PFDN2: variants seen among roughly 807,000 people sequenced by gnomAD.
The protein encoded by PFDN2 is prefoldin 2.
In PFDN2, 7 loss-of-function variants were observed where a neutral mutation model predicts 18.3. That is an observed-to-expected ratio of 0.38 (90% CI 0.22 to 0.72). The LOEUF (loss-of-function observed/expected upper bound fraction) is 0.72. Ranked by LOEUF, PFDN2 falls within the 30% of genes least tolerant of loss-of-function variation. The probability of loss-of-function intolerance (pLI) is 0.47; values close to 1 mark genes in which losing one functional copy is unlikely to be tolerated. For synonymous variants in PFDN2, 76 were observed against 75.0 expected (o/e 1.01, Z -0.07); for missense variants, 181 against 199.1 (o/e 0.91, Z 0.55).
intron 1 of PFDN2, among the ~76,000 whole-genome samples, chr1:161,108,942 C>T (rs1434007553): frequency 6.6e-6 from 1 of 152,134 alleles, no homozygotes; most frequent in Non-Finnish European, 1.5e-5. Context: ...GATTTCTATA[C>T]TGCCTCCTGA....
chr1:161,105,375 C>T (rs953683275), intron 1 of PFDN2, among the ~76,000 whole-genome samples: 1 of 152,210 alleles, frequency 6.6e-6, no homozygotes, highest in Non-Finnish European at 1.5e-5. Context: ...CCTGGCCTCC[C>T]AAAGAGCTGG....
chr1:161,102,256 C>G (rs1557961903), intron 2 of PFDN2, 31 bp downstream of exon 2: 2 of 1,611,188 alleles, frequency 1.2e-6, no homozygotes, highest in South Asian at 2.2e-5. Flanking sequence ...ACACAACTGT[C>G]CTACTGTTTG....
chr1:161,117,928 T>A, intron 1 of PFDN2, 24 bp downstream of exon 1: 1 of 1,594,250 alleles, frequency 6.3e-7, no homozygotes, highest in Non-Finnish European at 8.6e-7. Context: ...GTGGGTACCC[T>A]GCTTCGCGTT....
intron 1 of PFDN2, among the ~76,000 whole-genome samples, chr1:161,102,786 T>A (rs1654593978): frequency 1.3e-5 from 2 of 151,982 alleles, no homozygotes; most frequent in South Asian, 4.2e-4. Context: ...GGTGAAACTC[T>A]GTCGCTACTA....
chr1:161,111,141 G>A (rs544840814), intron 1 of PFDN2, among the ~76,000 whole-genome samples: 55 of 151,898 alleles, frequency 3.6e-4, no homozygotes, highest in East Asian at 1.4e-3. Context: ...CGCCCAGCCC[G>A]AGATGGGGGT....
chr1:161,101,719 A>C (rs1392041619), intron 3 of PFDN2, among the ~76,000 whole-genome samples: 4 of 152,160 alleles, frequency 2.6e-5, no homozygotes, highest in Non-Finnish European at 1.5e-5. Context: ...TAAGAGTTGC[A>C]CTTAGCATAG....
chr1:161,104,722 C>A (rs1654645783), intron 1 of PFDN2, among the ~76,000 whole-genome samples: 1 of 152,074 alleles, frequency 6.6e-6, no homozygotes, highest in Admixed American at 6.5e-5. Context: ...AGCCAACATG[C>A]CTGGCCTGGC....
chr1:161,114,882 T>C (rs186711268), intron 1 of PFDN2, among the ~76,000 whole-genome samples: 19 of 152,322 alleles, frequency 1.2e-4, no homozygotes, highest in Non-Finnish European at 1.5e-4. Context: ...TCTGCTGCCA[T>C]AATGAAGGGA....
chr1:161,100,828 T>C lies in PFDN2; in HGVS notation c.320A>G (p.Gln107Arg), dbSNP rs1247419125. 4 of 1,613,886 alleles carry C rather than the reference T, an allele frequency of 2.5e-6. No homozygotes were observed. Among genetic ancestry groups the C allele is most frequent in the Non-Finnish European group, 3.4e-6 (4 of 1,179,852 alleles). The change falls in exon 4 of 4, where the codon CAG (glutamine) becomes CGG (arginine). Residue 107 changes from glutamine to arginine, a missense_variant. Gln to Arg is a conservative substitution (Grantham distance 43, BLOSUM62 1). Transcript: ENST00000368010. ...TAGTTCTTTTCCCTTTGCCTGAAGC[T>C]GCTGTGTCAGTGTCTCAATGATCTT... ...IQKIIETLTQ[Q>R]LQAKGKELNE...
chr1:161,106,088 A>G (rs1654671167), intron 1 of PFDN2, among the ~76,000 whole-genome samples: 1 of 151,992 alleles, frequency 6.6e-6, no homozygotes, highest in Non-Finnish European at 1.5e-5. Flanking sequence ...ATGATAAGTG[A>G]GTTATTGGTC....
At chr1:161,114,208 A>G (rs1411579185) in intron 1 of PFDN2, among the ~76,000 whole-genome samples, 1 of 152,214 alleles carries the variant, frequency 6.6e-6, no homozygotes, top group Non-Finnish European at 1.5e-5. Flanking sequence ...TGAATGTTTA[A>G]CCTGGGTGTC....
intron 1 of PFDN2, among the ~76,000 whole-genome samples, chr1:161,115,623 C>T (rs1337443166): frequency 6.6e-6 from 1 of 152,194 alleles, no homozygotes; most frequent in Admixed American, 6.5e-5. Flanking sequence ...CTTACCTCAT[C>T]AGGAAGGCAG....
rs1030979473 is a variant in PFDN2 at position 161,104,702 on chromosome 1, T to G, written c.76-2327A>C. Among the ~76,000 whole-genome samples the G allele has an allele frequency of 5.3e-5, 8 of 152,104 alleles. 1 individual carries two copies. The highest frequency in any genetic ancestry group is 1.9e-4 in the African/African-American group (8 of 41,408). On this transcript the variant is annotated intron_variant, in intron 1 of 3. Coordinates refer to ENST00000368010, the MANE Select transcript of PFDN2 (RefSeq NM_012394.4). ...CCTCAGCCTCCCAAAGTGCTGGGAT[T>G]ACAGGCATGAGCCAACATGCCTGGC...
intron 1 of PFDN2, among the ~76,000 whole-genome samples, chr1:161,103,702 AAAAAAAAAAAAAG>A (rs1458371488): frequency 1.4e-5 from 2 of 143,548 alleles, no homozygotes; most frequent in African/African-American, 5.5e-5. Flanking sequence ...AAAAAAAAAA[AAAAAAAAAAAAAG>A]AAAGTTGGTC....
chr1:161,106,589 A>G (rs1654681599), intron 1 of PFDN2, among the ~76,000 whole-genome samples: 1 of 152,118 alleles, frequency 6.6e-6, no homozygotes, highest in South Asian at 2.1e-4. Flanking sequence ...TGCGTCTCTC[A>G]ACCCTATTAA....
chr1:161,110,256 G>C (rs1348768407), intron 1 of PFDN2, among the ~76,000 whole-genome samples: 39 of 151,626 alleles, frequency 2.6e-4, no homozygotes, highest in Admixed American at 2.6e-3. Context: ...AGCTACTCGG[G>C]AGGCTGAGGC....
chr1:161,102,464 T>C (rs1654587584), intron 1 of PFDN2, 89 bp from the exon 2 acceptor site: 10 of 958,436 alleles, frequency 1.0e-5, no homozygotes, highest in Non-Finnish European at 1.5e-5. Flanking sequence ...TTTACAAAGG[T>C]GCAGTAGTGG....
chr1:161,100,675 C>CTTG lies in PFDN2; in HGVS notation c.*5_*7dup, dbSNP rs1357424499. 1 of 1,571,248 alleles carries CTTG rather than the reference C, an allele frequency of 6.4e-7. No homozygotes were observed. Among genetic ancestry groups the CTTG allele is most frequent in the Admixed American group, 1.9e-5 (1 of 53,976 alleles). On this transcript the variant is annotated 3_prime_UTR_variant, in exon 4 of 4. Coordinates refer to ENST00000368010, the MANE Select transcript of PFDN2 (RefSeq NM_012394.4). ...TCAGGGTAGAAAAAAATGCAAAGGC[C>CTTG]TTGGTCCCTAGGAGACCAACACTCC...
chr1:161,110,996 C>T lies in PFDN2; in HGVS notation c.75+6956G>A, dbSNP rs183589494. 3.2e-3 allele frequency among the ~76,000 whole-genome samples: 481 copies of T among 151,802 alleles called. 5 individuals are homozygous for T. The highest frequency in any genetic ancestry group is 0.02 in the South Asian group (95 of 4,784). ...GTGGGACTACAGGCGCCCGCCAATG[C>T]GCCCGGCTAACTTTTTGTATTTTTT... On this transcript the variant is annotated intron_variant, in intron 1 of 3. Coordinates refer to ENST00000368010, the MANE Select transcript of PFDN2 (RefSeq NM_012394.4).
Sources: allele counts gnomAD v4.1 joint callset (sites outside exome capture counted in the v4.1 genomes callset), GRCh38; gene constraint gnomAD v4.1.1; transcripts MANE v1.5; gene names NCBI Gene and HGNC (gene_info 2026-07-23, HGNC 2026-07-21).